Variants in KIAA1217 observed in about 807,000 individuals in gnomAD.
KIAA1217 encodes the protein sickle tail protein homolog.
Under a neutral mutation model 163.9 loss-of-function variants are expected in KIAA1217, and 88 were observed. That is an observed-to-expected ratio of 0.54 (90% CI 0.45 to 0.64). The LOEUF is 0.64. Ranked by LOEUF, KIAA1217 falls within the 30% of genes least tolerant of loss-of-function variation. The pLI is 0.00. For synonymous variants in KIAA1217, 903 were observed against 923.1 expected (o/e 0.98, Z 0.39); for missense variants, 2,372 against 2,475.0 (o/e 0.96, Z 0.88).
intron 2 of KIAA1217, among the ~76,000 whole-genome samples, chr10:24,009,323 T>G (rs1199417153): frequency 1.3e-5 from 2 of 151,994 alleles, no homozygotes; most frequent in African/African-American, 2.4e-5. Flanking sequence ...GTAATTTACT[T>G]ACCCTTGGGT....
intron 2 of KIAA1217, among the ~76,000 whole-genome samples, chr10:24,318,912 C>T (rs145783419): frequency 1.4e-4 from 21 of 152,332 alleles, no homozygotes; most frequent in Middle Eastern, 6.8e-3. Flanking sequence ...TCCCTCAGTG[C>T]CTCTGTGAGT....
intron 2 of KIAA1217, among the ~76,000 whole-genome samples, chr10:24,038,187 T>C (rs1168799650): frequency 1.3e-5 from 2 of 152,210 alleles, no homozygotes. Context: ...GGCCCTGTGT[T>C]CAGCCTTTAT....
intron 1 of KIAA1217, among the ~76,000 whole-genome samples, chr10:23,938,715 T>G (rs1387723457): frequency 6.6e-6 from 1 of 151,676 alleles, no homozygotes; most frequent in Non-Finnish European, 1.5e-5. Context: ...TACTACACTA[T>G]TTTATATAAG....
intron 3 of KIAA1217, among the ~76,000 whole-genome samples, chr10:24,397,820 C>A (rs1564611446): frequency 6.6e-6 from 1 of 152,198 alleles, no homozygotes; most frequent in African/African-American, 2.4e-5. Flanking sequence ...CAGTGCCATT[C>A]ACACCTGTAG....
At chr10:24,329,698 G>A (rs191401683) in intron 2 of KIAA1217, among the ~76,000 whole-genome samples, 18 of 152,270 alleles carry the variant, frequency 1.2e-4, no homozygotes, top group Admixed American at 9.8e-4. Flanking sequence ...ATATGATCGT[G>A]TAATGTACTT....
At chr10:23,850,956 C>A (rs1393551935) in intron 1 of KIAA1217, among the ~76,000 whole-genome samples, 1 of 152,004 alleles carries the variant, frequency 6.6e-6, no homozygotes, top group Non-Finnish European at 1.5e-5. Flanking sequence ...GGGAAATCCA[C>A]CCCCATGATC....
chr10:24,528,142 G>A (rs201854940), intron 14 of KIAA1217, 23 bp downstream of exon 14: 30 of 1,610,752 alleles, frequency 1.9e-5, no homozygotes, highest in Non-Finnish European at 2.2e-5. Context: ...CCCACAGCAG[G>A]AATATATGGA....
At chr10:23,939,819 A>C (rs1843680982) in intron 1 of KIAA1217, among the ~76,000 whole-genome samples, 1 of 151,468 alleles carries the variant, frequency 6.6e-6, no homozygotes, top group Admixed American at 6.6e-5. Context: ...CATTCTTTGT[A>C]AGTGCATACA....
At chr10:23,952,966 G>A (rs1364371591) in intron 1 of KIAA1217, among the ~76,000 whole-genome samples, 1 of 152,068 alleles carries the variant, frequency 6.6e-6, no homozygotes, top group Non-Finnish European at 1.5e-5. Context: ...CAAAAGTGAA[G>A]AAGAACAACA....
intron 1 of KIAA1217, among the ~76,000 whole-genome samples, chr10:23,760,712 G>T (rs941106812): frequency 7.2e-5 from 11 of 152,120 alleles, no homozygotes; most frequent in Non-Finnish European, 1.5e-4. Context: ...AGGCCCAGGT[G>T]GGAAGATTGC....
chr10:23,737,176 G>A (rs1028641838), intron 1 of KIAA1217, among the ~76,000 whole-genome samples: 5 of 152,112 alleles, frequency 3.3e-5, no homozygotes, highest in Admixed American at 2.0e-4. Context: ...GGCAAATAGT[G>A]TGTTTTAAAT....
At chr10:23,961,300 T>C (rs529828314) in intron 1 of KIAA1217, among the ~76,000 whole-genome samples, 2 of 152,342 alleles carry the variant, frequency 1.3e-5, no homozygotes, top group East Asian at 3.9e-4. Context: ...TATGCCCTTT[T>C]GAGGACCTTA....
At chr10:23,908,354 C>CT (rs757246265) in intron 1 of KIAA1217, among the ~76,000 whole-genome samples, 5 of 152,130 alleles carry the variant, frequency 3.3e-5, no homozygotes, top group Admixed American at 2.6e-4. Context: ...CAGGCTAATA[C>CT]TTTCCCCTTC....
upstream of KIAA1217, among the ~76,000 whole-genome samples, chr10:24,205,689 C>A (rs1185468110): frequency 1.3e-5 from 2 of 151,814 alleles, no homozygotes; most frequent in Non-Finnish European, 2.9e-5. Context: ...AGGAGAATCA[C>A]CTGAACCCAG....
rs1368990766 is a variant in KIAA1217 at position 24,285,498 on chromosome 10, C to T, written c.354+65589C>T. ...TTTCCCCATGGCTTAGTCTTATTGA[C>T]TTTGTTGAAGATCAGTTGGTTGTTG... On this transcript the variant is annotated intron_variant, in intron 2 of 20. Transcript: ENST00000376454. Among the ~76,000 whole-genome samples, 4 of 152,080 alleles carry T rather than the reference C, an allele frequency of 2.6e-5. No homozygotes were observed. In the East Asian group the frequency reaches 5.8e-4, roughly 22 times the overall value.
intron 2 of KIAA1217, among the ~76,000 whole-genome samples, chr10:24,023,571 G>A (rs907460114): frequency 5.3e-5 from 8 of 151,598 alleles, no homozygotes; most frequent in African/African-American, 1.9e-4. Flanking sequence ...GGCCAACAGT[G>A]GGACTTAAGG....
intron 2 of KIAA1217, among the ~76,000 whole-genome samples, chr10:24,185,826 G>C (rs941209017): frequency 6.6e-6 from 1 of 151,842 alleles, no homozygotes; most frequent in Non-Finnish European, 1.5e-5. Flanking sequence ...TTAGCGGAAT[G>C]TGGTGGCAGG....
At chr10:24,169,701 C>T (rs1264359593) in intron 2 of KIAA1217, among the ~76,000 whole-genome samples, 1 of 152,056 alleles carries the variant, frequency 6.6e-6, no homozygotes, top group Admixed American at 6.5e-5. Flanking sequence ...AGCCCTCAGG[C>T]ATCCTAGGTT....
chr10:24,186,888 T>TA (rs200438132), intron 2 of KIAA1217, among the ~76,000 whole-genome samples: 13 of 151,910 alleles, frequency 8.6e-5, no homozygotes, highest in South Asian at 4.2e-4. Flanking sequence ...AGACTCCGTC[T>TA]AAAAAAAACA....
Sources: allele counts gnomAD v4.1 joint callset (sites outside exome capture counted in the v4.1 genomes callset), GRCh38; gene constraint gnomAD v4.1.1; transcripts MANE v1.5; gene names NCBI Gene and HGNC (gene_info 2026-07-23, HGNC 2026-07-21).